Variants in DCAF1 observed in about 807,000 individuals in gnomAD.
DCAF1 encodes the protein DDB1 and CUL4 associated factor 1, also known as DDB1- and CUL4-associated factor 1.
Under a neutral mutation model 128.0 loss-of-function variants are expected in DCAF1, and 15 were observed. That is an observed-to-expected ratio of 0.12 (90% CI 0.08 to 0.18). DCAF1 has a LOEUF of 0.18. DCAF1 is among the 10% of genes least tolerant of loss of function. DCAF1 has a pLI of 1.00. For missense variants in DCAF1, 988 were observed against 1,649.5 expected, an observed-to-expected ratio of 0.60 and a Z score of 6.95; for synonymous variants, 610 against 603.0, an observed-to-expected ratio of 1.01 and a Z score of -0.17.
intron 2 of DCAF1, among the ~76,000 whole-genome samples, chr3:51,491,472 A>G (rs1553657930): frequency 6.6e-6 from 1 of 152,178 alleles, no homozygotes; most frequent in East Asian, 1.9e-4. Context: ...AATAGAATTG[A>G]TAATCCAGCA....
intron 9 of DCAF1, among the ~76,000 whole-genome samples, chr3:51,439,822 T>A (rs919038762): frequency 2.6e-5 from 4 of 151,704 alleles, no homozygotes; most frequent in Non-Finnish European, 5.9e-5. Context: ...TGAAACCCTA[T>A]CTCTACTAAA....
chr3:51,470,748 C>A (rs1338772807), intron 4 of DCAF1, among the ~76,000 whole-genome samples, 181 bp downstream of exon 4: 2 of 152,084 alleles, frequency 1.3e-5, no homozygotes, highest in African/African-American at 2.4e-5. Flanking sequence ...ACTAGCTCCA[C>A]CTTGAGCAAC....
chr3:51,444,954 C>T (rs1205603492), intron 6 of DCAF1, among the ~76,000 whole-genome samples: 2 of 152,202 alleles, frequency 1.3e-5, no homozygotes, highest in Admixed American at 6.5e-5. Context: ...GGATTACAGG[C>T]ATGAGCCACC....
rs145734647 is a variant in DCAF1, at chr3:51,430,501, G to A, written c.1288-289C>T. On this transcript the variant is annotated intron_variant, in intron 10 of 24. Coordinates refer to ENST00000684031, the MANE Select transcript of DCAF1 (RefSeq NM_001387579.1). ...TGCTCACGAGGGCTCCATTATACAGGTATTAGGATTCTCACTTAAAAGAAG... is the reference window on the plus strand; with the variant it reads ...TGCTCACGAGGGCTCCATTATACAGATATTAGGATTCTCACTTAAAAGAAG... Among the ~76,000 whole-genome samples the A allele has an allele frequency of 2.8e-3, 419 of 151,878 alleles. 4 individuals are homozygous for A. Among genetic ancestry groups the A allele is most frequent in the African/African-American group, 9.3e-3 (384 of 41,416 alleles).
intron 7 of DCAF1, among the ~76,000 whole-genome samples, chr3:51,443,430 A>G (rs914004296): frequency 1.3e-5 from 2 of 151,972 alleles, no homozygotes; most frequent in Non-Finnish European, 2.9e-5. Flanking sequence ...CTCTACTAAA[A>G]ATACAAAAAA....
At position 51,407,440 on chromosome 3, in the gene DCAF1, C is replaced by T. The variant is rs1477989814; in HGVS notation, c.4213-4045G>A. Among the ~76,000 whole-genome samples the T allele has an allele frequency of 2.0e-5, 3 of 152,178 alleles. No individual in the cohort carries two copies. The East Asian group carries it at 5.8e-4, about 29-fold the overall frequency. Reference sequence around the variant, plus strand: ...ACCAGGTGTGTGTAATCAGTAAAGACTCTTAACATCCGCTTCTAGGCAGTG... The same window carrying T: ...ACCAGGTGTGTGTAATCAGTAAAGATTCTTAACATCCGCTTCTAGGCAGTG... On this transcript the variant is annotated intron_variant, in intron 23 of 24. Transcript: ENST00000684031.
intron 9 of DCAF1, 30 bp downstream of exon 9, chr3:51,440,940 C>T: frequency 1.3e-6 from 2 of 1,560,200 alleles, no homozygotes; most frequent in Non-Finnish European, 1.7e-6. Flanking sequence ...TAAAAAATCC[C>T]CGGTGACCCA....
chr3:51,418,963 A>C (rs1699146830), intron 15 of DCAF1, 87 bp from the exon 16 acceptor site: 1 of 1,437,040 alleles, frequency 7.0e-7, no homozygotes, highest in Non-Finnish European at 9.1e-7. Context: ...AAAAGCACAG[A>C]ACATTAATGT....
rs1699311002 is a variant in DCAF1 at position 51,420,660 on chromosome 3, A to G, written c.2310T>C (p.Thr770=). ...KALVGLSRSS[T]VRQIISKLPL... ...GCAGTTTACTGATGATCTGCCGGAC[A>G]GTGCTACTGCGAGACAGGCCCACTA... Residue 770 remains threonine, a synonymous_variant, in exon 15 of 25, where the codon ACT becomes ACC. Transcript: ENST00000684031. The surrounding 1 kb of genome is among the most constrained non-coding windows in gnomAD (Gnocchi z 6.5). 5 of 1,614,080 alleles carry G rather than the reference A, an allele frequency of 3.1e-6. No homozygotes were observed. Among genetic ancestry groups the G allele is most frequent in the Non-Finnish European group, 4.2e-6 (5 of 1,179,898 alleles).
intron 12 of DCAF1, among the ~76,000 whole-genome samples, chr3:51,428,331 C>CG (rs1218698359): frequency 9.0e-6 from 1 of 110,512 alleles, no homozygotes; most frequent in East Asian, 2.7e-4. Flanking sequence ...CCACCATGCC[C>CG]TTTTTTTTTT....
At chr3:51,411,222 G>A (rs1698389242) in intron 23 of DCAF1, among the ~76,000 whole-genome samples, 1 of 151,836 alleles carries the variant, frequency 6.6e-6, no homozygotes, top group Non-Finnish European at 1.5e-5. Context: ...GATAGTAGGG[G>A]GAAACAGAAA....
chr3:51,405,420 C>A (rs1553626282), intron 23 of DCAF1, among the ~76,000 whole-genome samples: 1 of 152,064 alleles, frequency 6.6e-6, no homozygotes, highest in African/African-American at 2.4e-5. Context: ...GCAGACAAAC[C>A]CAAATTTTAC....
At chr3:51,468,010 C>T (rs1176028660) in intron 4 of DCAF1, among the ~76,000 whole-genome samples, 3 of 152,106 alleles carry the variant, frequency 2.0e-5, no homozygotes, top group African/African-American at 7.2e-5. Context: ...GTCAGGGTGA[C>T]GGGGGTGAAT....
chr3:51,423,368 G>A (rs567242806), intron 13 of DCAF1, among the ~76,000 whole-genome samples: 4 of 151,894 alleles, frequency 2.6e-5, no homozygotes, highest in Admixed American at 1.3e-4. Context: ...CAGGCTTAGT[G>A]GCGGGCGCCT....
intron 6 of DCAF1, among the ~76,000 whole-genome samples, chr3:51,461,813 C>CA: frequency 6.6e-6 from 1 of 151,848 alleles, no homozygotes; most frequent in Non-Finnish European, 1.5e-5. Flanking sequence ...ATCGCAAGGA[C>CA]AAAAAACCAA....
At chr3:51,431,974 T>C (rs2107569210) in intron 10 of DCAF1, among the ~76,000 whole-genome samples, 1 of 149,604 alleles carries the variant, frequency 6.7e-6, no homozygotes, top group East Asian at 2.0e-4. Flanking sequence ...CGAGACCCTG[T>C]CATTAGAAAA....
chr3:51,420,854 T>C lies in DCAF1; in HGVS notation c.2116A>G (p.Thr706Ala). 6.2e-7 allele frequency: 1 copy of C among 1,613,938 alleles called. No individual in the cohort carries two copies. ...ISSIGKFISG[T>A]PRRKLPQNPK... ...TTCTGAGGCAGCTTTCTCCGAGGAG[T>C]ACCAGAGATAAATTTACCAATACTG... The change falls in exon 15 of 25, where the codon ACT becomes GCT. Residue 706 changes from threonine (T) to alanine (A), a missense_variant. Physicochemically the swap from Thr to Ala is moderately conservative, Grantham distance 58 (BLOSUM62 0). Coordinates refer to ENST00000684031, the MANE Select transcript of DCAF1 (RefSeq NM_001387579.1). This position sits in a 1 kb window ranked among gnomAD's most constrained non-coding sequence, Gnocchi z 6.5.
intron 1 of DCAF1, 120 bp downstream of exon 1, chr3:51,499,752 GC>G (rs1395489251): frequency 6.6e-6 from 1 of 151,318 alleles, no homozygotes; most frequent in Non-Finnish European, 1.5e-5. Flanking sequence ...CTCCTCGCCG[GC>G]GGCCCAAGCA....
upstream of DCAF1, among the ~76,000 whole-genome samples, chr3:51,502,681 C>T (rs1708847711): frequency 6.6e-6 from 1 of 151,974 alleles, no homozygotes; most frequent in African/African-American, 2.4e-5. Context: ...GCAGGGGAAG[C>T]AGGGGAGGAG....
Sources: gnomAD v4.1 joint callset for allele counts (sites outside exome capture counted in the v4.1 genomes callset) on GRCh38, gnomAD v4.1.1 for gene constraint, Gnocchi (gnomAD v3.1) non-coding constraint, MANE v1.5 for transcripts, NCBI Gene and HGNC (gene_info 2026-07-23, HGNC 2026-07-21) for gene names.